TMEM132D: variants seen among roughly 807,000 people sequenced by gnomAD.
TMEM132D encodes the protein mature OL transmembrane protein.
In TMEM132D, 21 loss-of-function variants were observed where a neutral mutation model predicts 62.3. The observed-to-expected ratio is 0.34, with a 90% CI of 0.24 to 0.49. The LOEUF is 0.49. Ranked by LOEUF, TMEM132D falls within the 20% of genes least tolerant of loss-of-function variation. The pLI is 0.99. For synonymous variants in TMEM132D, 621 were observed against 575.6 expected, an observed-to-expected ratio of 1.08 and a Z score of -1.13; for missense variants, 1,346 against 1,402.8, an observed-to-expected ratio of 0.96 and a Z score of 0.65.
At chr12:129,777,977 CA>C (rs552286618) in intron 1 of TMEM132D, among the ~76,000 whole-genome samples, 9 of 149,238 alleles carry the variant, frequency 6.0e-5, no homozygotes, top group Non-Finnish European at 8.9e-5. Flanking sequence ...AAAATAAAAA[CA>C]AAAAAAAATA....
rs1157607987 is a variant in TMEM132D, at chr12:129,078,556, T to A, written c.2093A>T (p.Glu698Val). The change falls in exon 8 of 9, where the codon GAA (glutamate) becomes GTA (valine). Residue 698 changes from glutamate (E) to valine (V), a missense_variant. By Grantham distance (121) the Glu-to-Val change is moderately radical (BLOSUM62 -2). Coordinates refer to ENST00000422113, the MANE Select transcript of TMEM132D (RefSeq NM_133448.3). Reference sequence around the variant, plus strand: ...TACCTGTTTTGGCCTCTGCAGAAGTTCCTGAGCCACTGCAGTGGCAAAGAT... The same window carrying A: ...TACCTGTTTTGGCCTCTGCAGAAGTACCTGAGCCACTGCAGTGGCAAAGAT... ...RAIFATAVAQ[E>V]LLQRPKQEAA... 1 of 1,613,958 alleles carries A rather than the reference T, an allele frequency of 6.2e-7. No homozygotes were observed. The highest frequency in any genetic ancestry group is 1.7e-5 in the Admixed American group (1 of 60,008).
At chr12:129,346,521 G>T (rs1282202369) in intron 3 of TMEM132D, among the ~76,000 whole-genome samples, 1 of 151,866 alleles carries the variant, frequency 6.6e-6, no homozygotes, top group African/African-American at 2.4e-5. Context: ...TCTTTTAATT[G>T]TGACGTTAGG....
At chr12:129,093,001 A>G (rs1034612391) in intron 5 of TMEM132D, among the ~76,000 whole-genome samples, 2 of 152,222 alleles carry the variant, frequency 1.3e-5, no homozygotes, top group Admixed American at 6.5e-5. Context: ...AATGAACAAC[A>G]CACCCTTTTC....
rs773291403 is a variant in TMEM132D, at chr12:129,779,794, C to G, written c.80-79096G>C. 8.5e-5 allele frequency among the ~76,000 whole-genome samples: 13 copies of G among 152,070 alleles called. No homozygotes were observed. Among genetic ancestry groups the G allele is most frequent in the Non-Finnish European group, 1.8e-4 (12 of 68,014 alleles). On this transcript the variant is annotated intron_variant, in intron 1 of 8. Coordinates refer to ENST00000422113, the MANE Select transcript of TMEM132D (RefSeq NM_133448.3). This position sits in a 1 kb window ranked among gnomAD's most constrained non-coding sequence, Gnocchi z 4.1. ...GTCGCCTCCCCACTCAAACTCATGA[C>G]GGCCTTAAGGTCTCTATGCCACTTG...
chr12:129,789,133 G>A (rs752787914), intron 1 of TMEM132D, among the ~76,000 whole-genome samples: 18 of 152,162 alleles, frequency 1.2e-4, no homozygotes, highest in African/African-American at 1.7e-4. Flanking sequence ...GTTCTTTAGC[G>A]GTGATTTCTG....
chr12:129,180,177 T>C (rs1878024891), intron 5 of TMEM132D, among the ~76,000 whole-genome samples: 1 of 151,872 alleles, frequency 6.6e-6, no homozygotes, highest in Admixed American at 6.6e-5. Flanking sequence ...ATTCAACGGG[T>C]ATCCAGTGCA....
intron 3 of TMEM132D, among the ~76,000 whole-genome samples, chr12:129,473,871 A>G (rs1223221979): frequency 6.6e-6 from 1 of 152,226 alleles, no homozygotes; most frequent in Non-Finnish European, 1.5e-5. Flanking sequence ...GGTACATAGT[A>G]GATGCTCAAC....
At chr12:129,774,916 AGAT>A (rs1870869768) in intron 1 of TMEM132D, among the ~76,000 whole-genome samples, 1 of 152,192 alleles carries the variant, frequency 6.6e-6, no homozygotes. Flanking sequence ...TGCAAAATGG[AGAT>A]GATGACAGCA....
chr12:129,516,601 T>C (rs1447614741), intron 3 of TMEM132D, among the ~76,000 whole-genome samples: 6 of 152,172 alleles, frequency 3.9e-5, no homozygotes, highest in Non-Finnish European at 5.9e-5. Flanking sequence ...GCCCCCATGA[T>C]TCCATTATCT....
chr12:129,893,894 C>G (rs1401163028), intron 1 of TMEM132D, among the ~76,000 whole-genome samples: 1 of 152,182 alleles, frequency 6.6e-6, no homozygotes, highest in African/African-American at 2.4e-5. Flanking sequence ...CCACACCTTC[C>G]CATCCCTCAG....
At chr12:129,765,304 T>C (rs1870514593) in intron 1 of TMEM132D, among the ~76,000 whole-genome samples, 1 of 152,132 alleles carries the variant, frequency 6.6e-6, no homozygotes, top group African/African-American at 2.4e-5. Flanking sequence ...CGGTGGCTCA[T>C]GCCTGTAATC....
At chr12:129,346,494 G>C (rs1157419044) in intron 3 of TMEM132D, among the ~76,000 whole-genome samples, 1 of 151,962 alleles carries the variant, frequency 6.6e-6, no homozygotes, top group Non-Finnish European at 1.5e-5. Context: ...GAATTTGTTT[G>C]CTCTTGTTTC....
At position 129,869,734 on chromosome 12, in the gene TMEM132D, A is replaced by G. The variant is rs138532482; in HGVS notation, c.79+33527T>C. Among the ~76,000 whole-genome samples, 156 of 152,106 alleles carry G rather than the reference A, an allele frequency of 1.0e-3. 3 individuals are homozygous for G. Among genetic ancestry groups the G allele is most frequent in the African/African-American group, 3.6e-3 (150 of 41,466 alleles). ...CAATTATCTTGATGGCGCTTCTTGA[A>G]CTCTGCAGTATCAAGTGGAGATTTA... On this transcript the variant is annotated intron_variant, in intron 1 of 8. Transcript: ENST00000422113.
At chr12:129,373,419 T>C (rs934157273) in intron 3 of TMEM132D, among the ~76,000 whole-genome samples, 2 of 151,750 alleles carry the variant, frequency 1.3e-5, no homozygotes, top group Non-Finnish European at 1.5e-5. Context: ...GATCACGAGG[T>C]CAGGAGATCA....
At chr12:129,587,427 A>G (rs1468978152) in intron 2 of TMEM132D, among the ~76,000 whole-genome samples, 1 of 152,194 alleles carries the variant, frequency 6.6e-6, no homozygotes, top group Non-Finnish European at 1.5e-5. Context: ...ATCAGGAAAA[A>G]TAACTAATGG....
intron 4 of TMEM132D, among the ~76,000 whole-genome samples, chr12:129,252,808 T>C (rs2135591175): frequency 6.6e-6 from 1 of 152,032 alleles, no homozygotes; most frequent in South Asian, 2.1e-4. Flanking sequence ...CCAACAACGA[T>C]AGACTGGATT....
chr12:129,539,300 C>T (rs951177348), intron 2 of TMEM132D, among the ~76,000 whole-genome samples: 3 of 151,116 alleles, frequency 2.0e-5, no homozygotes, highest in African/African-American at 4.9e-5. Context: ...GGCACGACCT[C>T]GGCTCACTGC....
At chr12:129,117,605 C>T (rs1177325587) in intron 5 of TMEM132D, among the ~76,000 whole-genome samples, 1 of 152,074 alleles carries the variant, frequency 6.6e-6, no homozygotes, top group Non-Finnish European at 1.5e-5. Context: ...AAAGCTGGGA[C>T]CCAGCCTTTC....
At chr12:129,540,492 T>TC (rs922942120) in intron 2 of TMEM132D, among the ~76,000 whole-genome samples, 1 of 152,024 alleles carries the variant, frequency 6.6e-6, no homozygotes, top group East Asian at 1.9e-4. Flanking sequence ...CAAACTTTTT[T>TC]TTTTTTTAAT....
Sources: allele counts gnomAD v4.1 joint callset (sites outside exome capture counted in the v4.1 genomes callset), GRCh38; gene constraint gnomAD v4.1.1; non-coding constraint Gnocchi (gnomAD v3.1); transcripts MANE v1.5; gene names NCBI Gene and HGNC (gene_info 2026-07-23, HGNC 2026-07-21).